MAML2: variants seen among roughly 807,000 people sequenced by gnomAD.
MAML2 encodes the protein mastermind like transcriptional coactivator 2.
MAML2 carries 22 observed loss-of-function variants against 96.1 expected under a neutral mutation model. That is an observed-to-expected ratio of 0.23 (90% confidence interval 0.16 to 0.33). The LOEUF is 0.33. MAML2 is among the 10% of genes least tolerant of loss of function. The pLI, the probability that MAML2 is intolerant of heterozygous loss-of-function variation, is 1.00. For missense variants in MAML2, 1,367 were observed against 1,392.4 expected, an observed-to-expected ratio of 0.98 and a Z score of 0.29; for synonymous variants, 561 against 521.3, an observed-to-expected ratio of 1.08 and a Z score of -1.04.
chr11:96,079,420 T>C (rs1464161831), intron 2 of MAML2, among the ~76,000 whole-genome samples: 1 of 152,210 alleles, frequency 6.6e-6, no homozygotes, highest in East Asian at 1.9e-4. Context: ...TTTAAGCTTT[T>C]TGGCTGAGAG....
At chr11:96,076,449 C>T (rs1399788655) in intron 2 of MAML2, among the ~76,000 whole-genome samples, 1 of 151,476 alleles carries the variant, frequency 6.6e-6, no homozygotes, top group African/African-American at 2.4e-5. Context: ...CACACACACA[C>T]ACACACACAC....
intron 2 of MAML2, among the ~76,000 whole-genome samples, chr11:96,026,095 G>A (rs1032502402): frequency 6.6e-6 from 1 of 152,188 alleles, no homozygotes; most frequent in East Asian, 1.9e-4. Context: ...CTAAGAGGTT[G>A]AGTAACTAGC....
chr11:96,297,391 A>G (rs1374142717), intron 1 of MAML2, among the ~76,000 whole-genome samples: 2 of 152,074 alleles, frequency 1.3e-5, no homozygotes, highest in Non-Finnish European at 2.9e-5. Context: ...CTTGGCCAAC[A>G]TGGTGAAACC....
At chr11:96,025,557 T>C (rs1305608226) in intron 2 of MAML2, among the ~76,000 whole-genome samples, 1 of 152,178 alleles carries the variant, frequency 6.6e-6, no homozygotes, top group African/African-American at 2.4e-5. Flanking sequence ...GTGTAAATTA[T>C]TGTTATTATT....
chr11:96,213,978 G>T (rs957906706), intron 1 of MAML2, among the ~76,000 whole-genome samples: 1 of 152,148 alleles, frequency 6.6e-6, no homozygotes, highest in East Asian at 1.9e-4. Context: ...GAATGGATCA[G>T]GTTAAAGTGG....
Position 96,083,736 on chromosome 11 carries a change from C to A in MAML2, c.2139+8156G>T, listed in dbSNP as rs7930943. The stretch of plus-strand genomic sequence containing the variant: ...TCAACAACTAAGTTTTGGGTCCCTG[C>A]AACATAGTAGATGTGTTAGGGGTTG... On this transcript the variant is annotated intron_variant, in intron 2 of 4. Coordinates refer to ENST00000524717, the MANE Select transcript of MAML2 (RefSeq NM_032427.4). Among the ~76,000 whole-genome samples, 907 of 152,242 alleles carry A rather than the reference C, an allele frequency of 6.0e-3. 10 individuals are homozygous for A. The highest frequency in any genetic ancestry group is 0.021 in the African/African-American group (859 of 41,534).
rs1332075104 is a variant in MAML2, at chr11:96,199,153, CG to C, written c.514-105637del. On this transcript the variant is annotated intron_variant, in intron 1 of 4. Transcript: ENST00000524717. ...CAGAGTTTGCAGTGGGCCAAAATGG[CG>C]CCACTGCACTCCAGCCTGGGCAACA... Among the ~76,000 whole-genome samples the C allele has an allele frequency of 6.0e-5, 8 of 132,732 alleles. No homozygotes were observed. In the South Asian group the frequency reaches 1.9e-3, roughly 32 times the overall value. The allele number at this position is 132,732 out of a possible 152,430, so 87.1% of individuals were successfully genotyped here. A position where few individuals can be genotyped will look rare whatever the true frequency, so the allele number is the denominator to read the frequency against.
chr11:96,189,660 A>T lies in MAML2; in HGVS notation c.514-96143T>A, dbSNP rs148428976. ...ATTCTGTGGACATACAACATAAGCTATTAGAATGTGAAATCTACTTGCTAC... is the reference window on the plus strand; with the variant it reads ...ATTCTGTGGACATACAACATAAGCTTTTAGAATGTGAAATCTACTTGCTAC... On this transcript the variant is annotated intron_variant, in intron 1 of 4. Coordinates refer to ENST00000524717, the MANE Select transcript of MAML2 (RefSeq NM_032427.4). Among the ~76,000 whole-genome samples, 793 of 152,336 alleles carry T rather than the reference A, an allele frequency of 5.2e-3. 7 individuals are homozygous for T. Among genetic ancestry groups the T allele is most frequent in the African/African-American group, 0.017 (718 of 41,568 alleles).
intron 1 of MAML2, among the ~76,000 whole-genome samples, chr11:96,141,407 G>A (rs1347585103): frequency 6.6e-6 from 1 of 152,136 alleles, no homozygotes; most frequent in Non-Finnish European, 1.5e-5. Context: ...CCTATGCACA[G>A]ATAGTTCTTT....
chr11:96,273,088 A>G (rs1458550793), intron 1 of MAML2, among the ~76,000 whole-genome samples: 1 of 152,190 alleles, frequency 6.6e-6, no homozygotes, highest in African/African-American at 2.4e-5. Flanking sequence ...AAAAGTTCCT[A>G]CGTAATGCTG....
At chr11:96,240,514 G>A (rs947303967) in intron 1 of MAML2, among the ~76,000 whole-genome samples, 17 of 124,036 alleles carry the variant, frequency 1.4e-4, no homozygotes, top group African/African-American at 5.1e-4. Context: ...TTGCGCCACT[G>A]CAGTCCGCAG....
chr11:96,090,729 G>A (rs1026661975), intron 2 of MAML2, among the ~76,000 whole-genome samples: 2 of 152,180 alleles, frequency 1.3e-5, no homozygotes, highest in Non-Finnish European at 2.9e-5. Context: ...GCTGTGCTTA[G>A]TGCATAACTT....
chr11:96,298,859 A>T (rs954611669), intron 1 of MAML2, among the ~76,000 whole-genome samples: 2 of 146,282 alleles, frequency 1.4e-5, no homozygotes, highest in East Asian at 4.0e-4. Flanking sequence ...TGGCTAACAC[A>T]GTGAAACCCC....
chr11:95,999,406 G>A (rs1403325525), intron 2 of MAML2, among the ~76,000 whole-genome samples: 1 of 152,046 alleles, frequency 6.6e-6, no homozygotes, highest in African/African-American at 2.4e-5. Flanking sequence ...TCAGCAAAAG[G>A]TAGAATGGGG....
At chr11:96,074,148 G>C (rs900471285) in intron 2 of MAML2, among the ~76,000 whole-genome samples, 1 of 152,106 alleles carries the variant, frequency 6.6e-6, no homozygotes. Context: ...CATACTATAA[G>C]ATGTAAAAGT....
chr11:96,142,822 A>G (rs1454019355), intron 1 of MAML2, among the ~76,000 whole-genome samples: 1 of 152,204 alleles, frequency 6.6e-6, no homozygotes, highest in African/African-American at 2.4e-5. Context: ...GAGCAGCCTC[A>G]AAATAATAGG....
intron 1 of MAML2, among the ~76,000 whole-genome samples, chr11:96,210,543 A>G (rs1328730537): frequency 6.6e-6 from 1 of 152,218 alleles, no homozygotes; most frequent in African/African-American, 2.4e-5. Context: ...AACACATCAG[A>G]TCTATGTTCA....
In MAML2 at chr11:96,340,086, C is replaced by G. The variant is rs1863972018; in HGVS notation, c.513+1297G>C. ...TATGGCTGGGGAGAAAAGCACCATC[C>G]TACTCCCCAGAGATTCCCAGGGTCT... On this transcript the variant is annotated intron_variant, in intron 1 of 4. Coordinates refer to ENST00000524717, the MANE Select transcript of MAML2 (RefSeq NM_032427.4). Among the ~76,000 whole-genome samples, 10 of 152,258 alleles carry G rather than the reference C, an allele frequency of 6.6e-5. No individual in the cohort carries two copies. The South Asian group carries it at 1.9e-3, about 28-fold the overall frequency.
chr11:96,093,410 A>T lies in MAML2; in HGVS notation c.621T>A (p.Arg207=), dbSNP rs763848630. The T allele has an allele frequency of 6.2e-7, 1 of 1,613,976 alleles. No individual in the cohort carries two copies. The highest frequency in any genetic ancestry group is 8.5e-7 in the Non-Finnish European group (1 of 1,179,868). The part of the protein sequence containing the change: ...DNSFLDIKRI[R]VGENLSAGQG... ...GTCCTGCAGAGAGATTCTCCCCAAC[A>T]CGAATTCTTTTGATATCAAGAAATG... Residue 207 remains arginine (R), a synonymous_variant, in exon 2 of 5, where the codon CGT becomes CGA. Coordinates refer to ENST00000524717, the MANE Select transcript of MAML2 (RefSeq NM_032427.4).
Sources: allele counts gnomAD v4.1 joint callset (sites outside exome capture counted in the v4.1 genomes callset), GRCh38; gene constraint gnomAD v4.1.1; transcripts MANE v1.5; gene names NCBI Gene and HGNC (gene_info 2026-07-23, HGNC 2026-07-21).